C1orf87: variants seen among roughly 807,000 people sequenced by gnomAD.
The protein encoded by C1orf87 is uncharacterized protein C1orf87.
A neutral mutation model predicts 60.5 loss-of-function variants in C1orf87; 58 were observed. The observed-to-expected ratio is 0.96, with a 90% CI of 0.78 to 1.19. The LOEUF (loss-of-function observed/expected upper bound fraction) is 1.19, where lower values mean the gene tolerates loss of function less well. C1orf87 is among the 50% of genes most tolerant of loss of function. The pLI is 0.00. For missense variants in C1orf87, 673 were observed against 638.6 expected, an observed-to-expected ratio of 1.05 and a Z score of -0.58; for synonymous variants, 236 against 227.4, an observed-to-expected ratio of 1.04 and a Z score of -0.34.
chr1:60,037,303 G>A (rs1048559730), intron 6 of C1orf87, among the ~76,000 whole-genome samples: 1 of 152,206 alleles, frequency 6.6e-6, no homozygotes, highest in African/African-American at 2.4e-5. Flanking sequence ...TTGGTCACGA[G>A]GGTGGAGTCC....
chr1:60,040,723 G>GT (rs1305764025), intron 4 of C1orf87, among the ~76,000 whole-genome samples: 7 of 151,682 alleles, frequency 4.6e-5, no homozygotes, highest in African/African-American at 1.2e-4. Flanking sequence ...ACGAAGTCTG[G>GT]TGTCCATTTG....
chr1:60,065,062 T>TTAAATATATA (rs1645535842), intron 2 of C1orf87, among the ~76,000 whole-genome samples: 1 of 124,072 alleles, frequency 8.1e-6, no homozygotes, highest in African/African-American at 3.0e-5. Context: ...AAAATATATA[T>TTAAATATATA]TATTTATATA....
intron 3 of C1orf87, among the ~76,000 whole-genome samples, chr1:60,048,548 G>A (rs572141472): frequency 2.0e-5 from 3 of 152,136 alleles, no homozygotes; most frequent in Admixed American, 6.5e-5. Context: ...TTTTGTTTTT[G>A]ATTTTTACAA....
At chr1:59,997,953 A>G (rs1644975066) in intron 10 of C1orf87, 137 bp from the exon 11 acceptor site, 1 of 764,028 alleles carries the variant, frequency 1.3e-6, no homozygotes, top group East Asian at 2.7e-5. Flanking sequence ...ATGAGCTTCA[A>G]ATCTTCAGTG....
intron 3 of C1orf87, among the ~76,000 whole-genome samples, chr1:60,047,836 A>T (rs894743216): frequency 6.6e-6 from 1 of 152,184 alleles, no homozygotes; most frequent in African/African-American, 2.4e-5. Flanking sequence ...CATTAAAAAC[A>T]TTTAAATATT....
intron 8 of C1orf87, among the ~76,000 whole-genome samples, chr1:60,012,949 T>C (rs1171065629): frequency 6.6e-6 from 1 of 152,182 alleles, no homozygotes; most frequent in Non-Finnish European, 1.5e-5. Context: ...TAGTGTCTTC[T>C]GACATTTATT....
chr1:60,040,557 G>C (rs182637354), intron 4 of C1orf87, among the ~76,000 whole-genome samples: 15 of 152,242 alleles, frequency 9.9e-5, no homozygotes, highest in African/African-American at 3.6e-4. Flanking sequence ...ATGGTGTCTA[G>C]ACCCTGACTG....
intron 9 of C1orf87, among the ~76,000 whole-genome samples, chr1:60,006,962 A>G (rs1447278490): frequency 6.6e-6 from 1 of 151,056 alleles, no homozygotes; most frequent in Non-Finnish European, 1.5e-5. Context: ...CACAAGCTGG[A>G]GTGTAGTGGC....
rs542573893 is a variant in C1orf87 at position 60,001,923 on chromosome 1, G to A, written c.1193-767C>T. Among the ~76,000 whole-genome samples, 11 of 152,140 alleles carry A rather than the reference G, an allele frequency of 7.2e-5. No homozygotes were observed. The South Asian group carries it at 2.1e-3, about 29-fold the overall frequency. ...CAGAAGAGATTTCCACAGGATGCAGGAAAAACACAAACAAATATTAAGACC... is the reference window on the plus strand; with the variant it reads ...CAGAAGAGATTTCCACAGGATGCAGAAAAAACACAAACAAATATTAAGACC... On this transcript the variant is annotated intron_variant, in intron 9 of 11. Transcript: ENST00000371201.
At chr1:60,036,947 C>T (rs181557131) in intron 6 of C1orf87, among the ~76,000 whole-genome samples, 80 of 152,310 alleles carry the variant, frequency 5.3e-4, no homozygotes, top group African/African-American at 1.8e-3. Flanking sequence ...ATGAGCTCTG[C>T]ACCCGTACAC....
intron 3 of C1orf87, among the ~76,000 whole-genome samples, chr1:60,048,192 A>T (rs930685463): frequency 3.3e-5 from 5 of 152,108 alleles, no homozygotes; most frequent in African/African-American, 1.2e-4. Context: ...CTCTCGGATC[A>T]CTCATTTTGT....
chr1:60,041,233 A>G (rs1461741350), intron 3 of C1orf87, 102 bp from the exon 4 acceptor site: 1 of 1,051,650 alleles, frequency 9.5e-7, no homozygotes, highest in Non-Finnish European at 1.3e-6. Flanking sequence ...AATTTATTTA[A>G]GCACATTCCC....
At chr1:60,063,088 T>C (rs1223510224) in intron 2 of C1orf87, among the ~76,000 whole-genome samples, 1 of 152,184 alleles carries the variant, frequency 6.6e-6, no homozygotes, top group Admixed American at 6.6e-5. Context: ...GATTTTAGCA[T>C]ACTACTTTAT....
rs112186225 is a variant in C1orf87, at chr1:60,058,133, C to A, written c.108-2695G>T. On this transcript the variant is annotated intron_variant, in intron 2 of 11. Coordinates refer to ENST00000371201, the MANE Select transcript of C1orf87 (RefSeq NM_152377.3). ...GAAATTTAAATTTCATTTGGTTGTC[C>A]AAAAATAATGCAAACAATAAAGCTA... is the stretch of plus-strand genomic sequence containing the variant. 3.9e-3 allele frequency among the ~76,000 whole-genome samples: 592 copies of A among 152,142 alleles called. 3 individuals are homozygous for A. The highest frequency in any genetic ancestry group is 0.013 in the African/African-American group (560 of 41,492).
At chr1:60,004,041 T>C (rs1645026127) in intron 9 of C1orf87, among the ~76,000 whole-genome samples, 3 of 152,092 alleles carry the variant, frequency 2.0e-5, no homozygotes, top group Admixed American at 2.0e-4. Flanking sequence ...TAGCATTGGC[T>C]ACTGCTTATT....
intron 8 of C1orf87, among the ~76,000 whole-genome samples, chr1:60,021,085 T>C (rs1366060585): frequency 6.6e-6 from 1 of 152,182 alleles, no homozygotes. Context: ...GTAAGATGTG[T>C]TTGCTTCCCC....
intron 11 of C1orf87, 104 bp downstream of exon 11, chr1:59,997,505 T>C: frequency 2.0e-6 from 2 of 998,114 alleles, no homozygotes; most frequent in Non-Finnish European, 3.0e-6. Context: ...ATGATTTATA[T>C]ATTAATTGTA....
intron 2 of C1orf87, among the ~76,000 whole-genome samples, chr1:60,070,007 G>A (rs1372855697): frequency 6.6e-6 from 1 of 152,190 alleles, no homozygotes; most frequent in Non-Finnish European, 1.5e-5. Context: ...AAGGAACTGC[G>A]AGAACAAGGG....
chr1:60,017,447 T>C (rs1645131485), intron 8 of C1orf87, among the ~76,000 whole-genome samples: 1 of 152,220 alleles, frequency 6.6e-6, no homozygotes, highest in Non-Finnish European at 1.5e-5. Context: ...TACTTGTGGC[T>C]GTGTCAATTG....
Sources: gnomAD v4.1 joint callset for allele counts (sites outside exome capture counted in the v4.1 genomes callset) on GRCh38, gnomAD v4.1.1 for gene constraint, MANE v1.5 for transcripts, NCBI Gene and HGNC (gene_info 2026-07-23, HGNC 2026-07-21) for gene names.